BICC1: variants seen among roughly 807,000 people sequenced by gnomAD.
BICC1 encodes protein bicaudal C homolog 1.
In BICC1, 43 loss-of-function variants were observed where a neutral mutation model predicts 111.0. The ratio of observed to expected loss-of-function variants is 0.39; its 90% CI spans 0.30 to 0.50. BICC1 has a LOEUF of 0.50. Ranked by LOEUF, BICC1 falls within the 20% of genes least tolerant of loss-of-function variation. The probability of loss-of-function intolerance (pLI) is 0.88; values close to 1 mark genes in which losing one functional copy is unlikely to be tolerated. For synonymous variants in BICC1, 467 were observed against 434.4 expected, an observed-to-expected ratio of 1.07 and a Z score of -0.93; for missense variants, 1,091 against 1,203.2, an observed-to-expected ratio of 0.91 and a Z score of 1.38.
chr10:58,792,722 G>C (rs932149304), intron 8 of BICC1, among the ~76,000 whole-genome samples: 1 of 152,004 alleles, frequency 6.6e-6, no homozygotes, highest in Non-Finnish European at 1.5e-5. Context: ...CAAGCTCAGG[G>C]CTCCCACTGA....
At chr10:58,601,397 G>A (rs1484330020) in intron 1 of BICC1, among the ~76,000 whole-genome samples, 1 of 151,106 alleles carries the variant, frequency 6.6e-6, no homozygotes, top group Admixed American at 6.6e-5. Context: ...GCTTCAAAGA[G>A]TTTTGCAAAT....
intron 19 of BICC1, among the ~76,000 whole-genome samples, chr10:58,818,546 A>G (rs960957922): frequency 2.0e-5 from 3 of 152,180 alleles, no homozygotes; most frequent in African/African-American, 4.8e-5. Flanking sequence ...TAAAGAATCT[A>G]TAGTTTTTAC....
At chr10:58,712,921 G>A (rs867364817) in intron 3 of BICC1, among the ~76,000 whole-genome samples, 2 of 151,956 alleles carry the variant, frequency 1.3e-5, no homozygotes, top group African/African-American at 4.8e-5. Flanking sequence ...GCTCTGAGCC[G>A]GAAACTGCCC....
intron 20 of BICC1, among the ~76,000 whole-genome samples, chr10:58,825,994 A>G (rs1844383685): frequency 6.6e-6 from 1 of 151,908 alleles, no homozygotes; most frequent in Non-Finnish European, 1.5e-5. Flanking sequence ...TATTGTTTAA[A>G]AAAAAAAAAG....
At chr10:58,775,940 T>C (rs1240328215) in intron 3 of BICC1, among the ~76,000 whole-genome samples, 1 of 152,212 alleles carries the variant, frequency 6.6e-6, no homozygotes, top group Non-Finnish European at 1.5e-5. Context: ...TTAGCTGCTC[T>C]TTAGTGTAAC....
intron 14 of BICC1, 57 bp from the exon 15 acceptor site, chr10:58,803,020 C>A: frequency 1.4e-6 from 2 of 1,423,748 alleles, no homozygotes; most frequent in Admixed American, 2.5e-5. Flanking sequence ...ATGTAGGAAA[C>A]ATTCAGTACA....
At chr10:58,661,718 G>A (rs1486807865) in intron 2 of BICC1, among the ~76,000 whole-genome samples, 2 of 152,148 alleles carry the variant, frequency 1.3e-5, no homozygotes, top group African/African-American at 4.8e-5. Context: ...CTCTTGCATA[G>A]TGGAAATAGC....
chr10:58,797,159 G>T (rs1269400580), intron 10 of BICC1, among the ~76,000 whole-genome samples: 2 of 152,180 alleles, frequency 1.3e-5, no homozygotes, highest in Non-Finnish European at 2.9e-5. Flanking sequence ...TCTATGGATT[G>T]CTATTTTATA....
chr10:58,822,041 C>T (rs185455830), intron 20 of BICC1, among the ~76,000 whole-genome samples: 2 of 152,196 alleles, frequency 1.3e-5, no homozygotes, highest in Admixed American at 1.3e-4. Context: ...TAAAGCTCAT[C>T]CTCAGGGGGC....
intron 1 of BICC1, among the ~76,000 whole-genome samples, chr10:58,555,582 C>G (rs916107393): frequency 1.3e-5 from 2 of 152,062 alleles, no homozygotes; most frequent in Admixed American, 1.3e-4. Context: ...TATCTCTTCT[C>G]ACAATAATGA....
chr10:58,612,369 G>A (rs189723754), intron 1 of BICC1, among the ~76,000 whole-genome samples: 1,717 of 152,220 alleles, frequency 0.011, 16 homozygotes, highest in Non-Finnish European at 0.017. Context: ...AATTGGCTGG[G>A]TTGTCAGGGA....
At chr10:58,550,488 GTA>G (rs1364007296) in intron 1 of BICC1, among the ~76,000 whole-genome samples, 6 of 151,750 alleles carry the variant, frequency 4.0e-5, no homozygotes, top group African/African-American at 1.5e-4. Flanking sequence ...TTTTTGTATT[GTA>G]TCTAAAAACT....
intron 2 of BICC1, among the ~76,000 whole-genome samples, chr10:58,689,134 A>T (rs559992028): frequency 1.3e-5 from 2 of 152,180 alleles, no homozygotes; most frequent in Non-Finnish European, 1.5e-5. Context: ...AGGATCTAGG[A>T]TCCAGGATCC....
intron 17 of BICC1, 128 bp downstream of exon 17, chr10:58,807,286 A>G (rs974747651): frequency 6.3e-5 from 52 of 822,030 alleles, no homozygotes; most frequent in African/African-American, 4.8e-4. Flanking sequence ...TTTTATTTCT[A>G]TTCTTGTAAA....
At chr10:58,788,262 G>T (rs1040776183) in intron 5 of BICC1, 108 bp from the exon 6 acceptor site, 4 of 777,296 alleles carry the variant, frequency 5.1e-6, no homozygotes, top group Non-Finnish European at 8.7e-6. Flanking sequence ...TAATACCTCT[G>T]TATTTGTCCC....
At chr10:58,638,866 CTCTTCTCTT>C (rs1838031822) in intron 2 of BICC1, among the ~76,000 whole-genome samples, 1 of 582 alleles carries the variant, frequency 1.7e-3, no homozygotes, top group African/African-American at 6.4e-3. Context: ...TTTCTTTTTT[CTCTTCTCTT>C]TTTTCTCTTC....
intron 2 of BICC1, among the ~76,000 whole-genome samples, chr10:58,678,854 A>G (rs747900596): frequency 1.6e-4 from 25 of 152,258 alleles, no homozygotes; most frequent in Admixed American, 4.6e-4. Flanking sequence ...CCACAGTGCA[A>G]TCAAACTAGA....
chr10:58,728,652 A>G (rs188819291), intron 3 of BICC1, among the ~76,000 whole-genome samples: 22 of 152,212 alleles, frequency 1.4e-4, no homozygotes, highest in Non-Finnish European at 2.8e-4. Context: ...CTTTGCCGCA[A>G]TCCATCAGAG....
intron 1 of BICC1, among the ~76,000 whole-genome samples, chr10:58,544,925 TAC>T (rs1843097267): frequency 1.3e-5 from 2 of 152,078 alleles, no homozygotes; most frequent in South Asian, 4.1e-4. Context: ...GAACTTTGGA[TAC>T]AGAGATATGC....
Sources: gnomAD v4.1 joint callset for allele counts (sites outside exome capture counted in the v4.1 genomes callset) on GRCh38, gnomAD v4.1.1 for gene constraint, MANE v1.5 for transcripts, NCBI Gene and HGNC (gene_info 2026-07-23, HGNC 2026-07-21) for gene names.